SLC22A3: variants seen among roughly 807,000 people sequenced by gnomAD.
The protein encoded by SLC22A3 is solute carrier family 22 member 3.
Under a neutral mutation model 59.1 loss-of-function variants are expected in SLC22A3, and 51 were observed. The observed-to-expected ratio is 0.86, with a 90% confidence interval of 0.69 to 1.09. The LOEUF (loss-of-function observed/expected upper bound fraction) is 1.09. Ranked by LOEUF, SLC22A3 falls within the 50% of genes least tolerant of loss-of-function variation. The pLI is 0.00. For synonymous variants in SLC22A3, 325 were observed against 292.0 expected, an observed-to-expected ratio of 1.11 and a Z score of -1.15; for missense variants, 711 against 726.3, an observed-to-expected ratio of 0.98 and a Z score of 0.24.
In SLC22A3 at chr6:160,415,946, A is replaced by G. The variant is rs1212658139; in HGVS notation, c.975+5100A>G. On this transcript the variant is annotated intron_variant, in intron 5 of 10. Coordinates refer to ENST00000275300, the MANE Select transcript of SLC22A3 (RefSeq NM_021977.4). This position sits in a 1 kb window ranked among gnomAD's most constrained non-coding sequence, Gnocchi z 4.1. ...AAACTAAGATTACACCAATCTCCAG[A>G]GCTTTAGTGAGAGAAGGGAAAATAT... Among the ~76,000 whole-genome samples, 3 of 152,212 alleles carry G rather than the reference A, an allele frequency of 2.0e-5. No individual in the cohort carries two copies. Among genetic ancestry groups the G allele is most frequent in the Admixed American group, 2.0e-4 (3 of 15,278 alleles).
intron 1 of SLC22A3, among the ~76,000 whole-genome samples, chr6:160,380,599 A>G (rs1339329823): frequency 6.6e-6 from 1 of 152,228 alleles, no homozygotes; most frequent in Non-Finnish European, 1.5e-5. Context: ...TATGCATATC[A>G]GTGTGGAAAT....
intron 1 of SLC22A3, among the ~76,000 whole-genome samples, chr6:160,385,686 C>T (rs884743): frequency 0.016 from 2,441 of 152,294 alleles, 49 homozygotes; most frequent in African/African-American, 0.056. Flanking sequence ...TTCCAGCCGA[C>T]GCAGGAGCTG....
chr6:160,447,002 G>C (rs940375115), intron 9 of SLC22A3, among the ~76,000 whole-genome samples: 1 of 152,228 alleles, frequency 6.6e-6, no homozygotes, highest in Non-Finnish European at 1.5e-5. Context: ...ATCAGGGCTT[G>C]ATTGCCCAAA....
Position 160,348,439 on chromosome 6 carries a change from C to A in SLC22A3, c.20C>A (p.Ala7Glu), listed in dbSNP as rs1376309432. MPSFDE[A>E]LQRVGEFGRF... is the part of the protein sequence containing the mutation. ...CGCACCATGCCCTCCTTCGACGAGG[C>A]GCTGCAGCGGGTGGGCGAGTTCGGG... is the stretch of plus-strand genomic sequence containing the variant. The change falls in exon 1 of 11, where the codon GCG (alanine) becomes GAG (glutamate). Residue 7 changes from alanine (A) to glutamate (E), a missense_variant. Physicochemically the swap from Ala to Glu is moderately radical, Grantham distance 107 (BLOSUM62 -1). Coordinates refer to ENST00000275300, the MANE Select transcript of SLC22A3 (RefSeq NM_021977.4). 3.9e-5 allele frequency: 59 copies of A among 1,517,708 alleles called. No homozygotes were observed. The highest frequency in any genetic ancestry group is 5.2e-5 in the Non-Finnish European group (59 of 1,136,502). The allele number at this position is 1,517,708 out of a possible 1,614,324, so 94.0% of individuals were successfully genotyped here. A position where few individuals can be genotyped will look rare whatever the true frequency, so the allele number is the denominator to read the frequency against.
rs117406348 is a variant in SLC22A3, at chr6:160,433,269, A to T, written c.976-3511A>T. Among the ~76,000 whole-genome samples the T allele has an allele frequency of 7.5e-4, 114 of 152,344 alleles. 2 individuals carry two copies. Among genetic ancestry groups the T allele is most frequent in the Admixed American group, 4.8e-3 (74 of 15,302 alleles). On this transcript the variant is annotated intron_variant, in intron 5 of 10. Transcript: ENST00000275300. ...TTCTGTGGTCATTGAGTGACTGGAG[A>T]TCTGCCAGAGAAAGGCAATTATCTA...
At chr6:160,448,565 TAGAG>T (rs1430900510) in intron 10 of SLC22A3, among the ~76,000 whole-genome samples, 10 of 152,210 alleles carry the variant, frequency 6.6e-5, no homozygotes, top group East Asian at 3.9e-4. Context: ...AGTAGGAAGA[TAGAG>T]AGATTGAGTT....
chr6:160,439,057 G>T (rs1431208504), intron 7 of SLC22A3, among the ~76,000 whole-genome samples: 1 of 151,966 alleles, frequency 6.6e-6, no homozygotes, highest in African/African-American at 2.4e-5. Flanking sequence ...CCCACTACAT[G>T]GAATTAACAT....
chr6:160,348,656 C>G lies in SLC22A3; in HGVS notation c.237C>G (p.Arg79=). The G allele has an allele frequency of 1.3e-6, 2 of 1,499,862 alleles. No homozygotes were observed. Among genetic ancestry groups the G allele is most frequent in the Non-Finnish European group, 1.8e-6 (2 of 1,132,720 alleles). The allele number at this position is 1,499,862 out of a possible 1,614,324, so 92.9% of individuals were successfully genotyped here. A position where few individuals can be genotyped will look rare whatever the true frequency, so the allele number is the denominator to read the frequency against. ...EEWNRTAPAS[R]GPEPPERRGR... is the part of the protein sequence containing the mutation. ...GGAACCGCACGGCGCCCGCCTCCCG[C>G]GGCCCAGAGCCCCCCGAGCGCCGCG... Residue 79 remains arginine, a synonymous_variant, in exon 1 of 11, where the codon CGC becomes CGG. Coordinates refer to ENST00000275300, the MANE Select transcript of SLC22A3 (RefSeq NM_021977.4).
intron 5 of SLC22A3, among the ~76,000 whole-genome samples, chr6:160,432,432 A>AT (rs35059975): frequency 0.28 from 39,120 of 140,948 alleles, 5,816 homozygotes; most frequent in East Asian, 0.4. Flanking sequence ...TGTAGGCTTA[A>AT]TTTTTTTTTT....
chr6:160,451,039 T>TC lies in SLC22A3; in HGVS notation c.1657dup (p.Arg553ProfsTer47), dbSNP rs1788942181. 6.3e-7 allele frequency: 1 copy of TC among 1,594,792 alleles called. No individual in the cohort carries two copies. The highest frequency in any genetic ancestry group is 8.6e-7 in the Non-Finnish European group (1 of 1,168,960). ...TGGCAGGAATAAGAAAACCCCAGTT[T>TC]CCCGCTCTCACCTTTGAGGCCCCCG... On this transcript the variant is annotated frameshift_variant, in exon 11 of 11. Transcript: ENST00000275300. LOFTEE classifies it high-confidence loss of function.
At chr6:160,369,491 T>A (rs904742950) in intron 1 of SLC22A3, among the ~76,000 whole-genome samples, 8 of 152,242 alleles carry the variant, frequency 5.3e-5, no homozygotes, top group Non-Finnish European at 7.3e-5. Flanking sequence ...CATTTTTTAA[T>A]CCTTAAATAT....
chr6:160,429,305 C>T (rs1374447171), intron 5 of SLC22A3, among the ~76,000 whole-genome samples: 1 of 152,124 alleles, frequency 6.6e-6, no homozygotes, highest in Non-Finnish European at 1.5e-5. Context: ...AGAGCAAATA[C>T]GTTTTCTTTC....
At chr6:160,420,892 C>T (rs556217454) in intron 5 of SLC22A3, among the ~76,000 whole-genome samples, 101 of 152,308 alleles carry the variant, frequency 6.6e-4, no homozygotes, top group African/African-American at 2.2e-3. Context: ...CAGCCGTTCC[C>T]GGGATTGGGG....
chr6:160,412,547 C>G (rs1197892433), intron 5 of SLC22A3, among the ~76,000 whole-genome samples: 2 of 152,102 alleles, frequency 1.3e-5, no homozygotes, highest in Non-Finnish European at 2.9e-5. Flanking sequence ...TAATGATGTA[C>G]CTTGAGGTTT....
intron 2 of SLC22A3, among the ~76,000 whole-genome samples, chr6:160,398,711 T>G (rs909543972): frequency 6.6e-6 from 1 of 152,246 alleles, no homozygotes. Context: ...CTAGCTATTG[T>G]ATTCATGTTT....
rs559791831 is a variant in SLC22A3 at position 160,407,173 on chromosome 6, G to A, written c.666G>A (p.Thr222=). The A allele has an allele frequency of 1.3e-5, 21 of 1,610,964 alleles. No individual in the cohort carries two copies. The highest frequency in any genetic ancestry group is 1.1e-4 in the South Asian group (10 of 90,428). Residue 222 remains threonine, a synonymous_variant, in exon 3 of 11, where the codon ACG becomes ACA. Coordinates refer to ENST00000275300, the MANE Select transcript of SLC22A3 (RefSeq NM_021977.4). ...RFLQGVFGKG[T]WMTCYVIVTE... ...TGCAAGGTGTATTTGGAAAGGGGAC[G>A]TGGATGACTTGCTACGTGATTGGTA...
chr6:160,374,842 C>T (rs1217913615), intron 1 of SLC22A3, among the ~76,000 whole-genome samples: 2 of 152,218 alleles, frequency 1.3e-5, no homozygotes, highest in African/African-American at 4.8e-5. Flanking sequence ...GTGCCAACCT[C>T]TGGACTTAGC....
chr6:160,432,995 G>A (rs941858220), intron 5 of SLC22A3, among the ~76,000 whole-genome samples: 1 of 152,198 alleles, frequency 6.6e-6, no homozygotes, highest in African/African-American at 2.4e-5. Flanking sequence ...TCAGGGGTCA[G>A]CAAACTACAG....
At chr6:160,406,517 C>A (rs1583484425) in intron 2 of SLC22A3, among the ~76,000 whole-genome samples, 1 of 152,168 alleles carries the variant, frequency 6.6e-6, no homozygotes, top group Non-Finnish European at 1.5e-5. Context: ...GTTTATAAAA[C>A]ACTTTCACAT....
Sources: allele counts gnomAD v4.1 joint callset (sites outside exome capture counted in the v4.1 genomes callset), GRCh38; gene constraint gnomAD v4.1.1; non-coding constraint Gnocchi (gnomAD v3.1); transcripts MANE v1.5; gene names NCBI Gene and HGNC (gene_info 2026-07-23, HGNC 2026-07-21).